ADGRB3: variants seen among roughly 807,000 people sequenced by gnomAD.
The protein encoded by ADGRB3 is adhesion G protein-coupled receptor B3, also known as brain-specific angiogenesis inhibitor 3.
A neutral mutation model predicts 193.4 loss-of-function variants in ADGRB3; 37 were observed. The observed-to-expected ratio is 0.19, with a 90% CI of 0.15 to 0.25. The LOEUF (loss-of-function observed/expected upper bound fraction) is 0.25, where lower values mean the gene tolerates loss of function less well. ADGRB3 is among the 10% of genes least tolerant of loss of function. The pLI, the probability that ADGRB3 is intolerant of heterozygous loss-of-function variation, is 1.00. For synonymous variants in ADGRB3, 690 were observed against 644.2 expected (o/e 1.07, Z -1.08); for missense variants, 1,637 against 1,852.9 (o/e 0.88, Z 2.14).
At chr6:68,880,345 C>G (rs778544184) in intron 3 of ADGRB3, among the ~76,000 whole-genome samples, 1 of 152,204 alleles carries the variant, frequency 6.6e-6, no homozygotes, top group Non-Finnish European at 1.5e-5. Context: ...TAGCTTCCTT[C>G]CTTTCCTATA....
rs546083165 is a variant in ADGRB3 at position 68,850,132 on chromosome 6, G to GT, written c.758-80420dup. Among the ~76,000 whole-genome samples, 356 of 151,554 alleles carry GT rather than the reference G, an allele frequency of 2.3e-3. 3 individuals carry two copies. The highest frequency in any genetic ancestry group is 7.7e-3 in the African/African-American group (320 of 41,420). On this transcript the variant is annotated intron_variant, in intron 3 of 31. Coordinates refer to ENST00000370598, the MANE Select transcript of ADGRB3 (RefSeq NM_001704.3). Reference sequence around the variant, plus strand: ...TTGTTCTGTAACCTCAGGTCCCATAGTTTTTTTATTAATAGTTATGTATAT... The same window carrying GT: ...TTGTTCTGTAACCTCAGGTCCCATAGTTTTTTTTATTAATAGTTATGTATAT...
chr6:68,822,764 A>T (rs1218292613), intron 3 of ADGRB3, among the ~76,000 whole-genome samples: 1 of 151,986 alleles, frequency 6.6e-6, no homozygotes, highest in Non-Finnish European at 1.5e-5. Context: ...AGAAATCGTC[A>T]TTCAAAAATT....
At chr6:69,201,841 C>T (rs1005404365) in intron 17 of ADGRB3, among the ~76,000 whole-genome samples, 6 of 152,086 alleles carry the variant, frequency 3.9e-5, no homozygotes, top group Non-Finnish European at 7.4e-5. Context: ...CTTTCTAATC[C>T]GACCTATCAT....
intron 3 of ADGRB3, among the ~76,000 whole-genome samples, chr6:68,743,392 AT>A (rs1766020127): frequency 6.6e-6 from 1 of 150,950 alleles, no homozygotes; most frequent in South Asian, 2.1e-4. Context: ...TTAGTGGTAG[AT>A]TTGAAAATGT....
At position 69,040,350 on chromosome 6, in the gene ADGRB3, T is replaced by C. The variant is rs551680825; in HGVS notation, c.2108-7835T>C. ...CTTTCTTTCTTTCTTTCTTTCTTTCTTTCTTTCTTTCTTTCTTTCTTTCTT... is the reference window on the plus strand; with the variant it reads ...CTTTCTTTCTTTCTTTCTTTCTTTCCTTCTTTCTTTCTTTCTTTCTTTCTT... On this transcript the variant is annotated intron_variant, in intron 13 of 31. Coordinates refer to ENST00000370598, the MANE Select transcript of ADGRB3 (RefSeq NM_001704.3). Among the ~76,000 whole-genome samples the C allele has an allele frequency of 8.3e-3, 454 of 54,752 alleles. 5 individuals are homozygous for C. Among genetic ancestry groups the C allele is most frequent in the South Asian group, 0.064 (60 of 940 alleles). The allele number at this position is 54,752 out of a possible 152,430, so 35.9% of individuals were successfully genotyped here.
At chr6:68,862,224 C>A (rs923333735) in intron 3 of ADGRB3, among the ~76,000 whole-genome samples, 2 of 151,088 alleles carry the variant, frequency 1.3e-5, no homozygotes, top group Non-Finnish European at 2.9e-5. Flanking sequence ...CAAACCTCCT[C>A]TTTTCCAAAA....
intron 29 of ADGRB3, among the ~76,000 whole-genome samples, chr6:69,364,108 G>A (rs925211025): frequency 1.3e-5 from 2 of 151,896 alleles, no homozygotes; most frequent in Non-Finnish European, 2.9e-5. Flanking sequence ...TGGGCAGCTG[G>A]CACAGCAGAG....
chr6:69,212,191 T>C lies in ADGRB3; in HGVS notation c.2481-21099T>C, dbSNP rs370534117. Among the ~76,000 whole-genome samples the C allele has an allele frequency of 3.9e-5, 6 of 152,064 alleles. No individual in the cohort carries two copies. The East Asian group carries it at 1.2e-3, about 29-fold the overall frequency. ...TCGAAAAAACATCAAAACTCATTTT[T>C]GTTGCTTATTTGCCTGTGAAACGTG... is the stretch of plus-strand genomic sequence containing the variant. On this transcript the variant is annotated intron_variant, in intron 17 of 31. Coordinates refer to ENST00000370598, the MANE Select transcript of ADGRB3 (RefSeq NM_001704.3).
At chr6:69,071,380 A>G (rs1041607050) in intron 16 of ADGRB3, among the ~76,000 whole-genome samples, 6 of 152,188 alleles carry the variant, frequency 3.9e-5, no homozygotes, top group African/African-American at 1.2e-4. Flanking sequence ...TATCCATTGG[A>G]ATGCTTTGGC....
chr6:68,783,898 T>A (rs1362450308), intron 3 of ADGRB3, among the ~76,000 whole-genome samples: 2 of 152,048 alleles, frequency 1.3e-5, no homozygotes, highest in Non-Finnish European at 2.9e-5. Context: ...GTTTAAATGT[T>A]ACCTTCGTGT....
intron 5 of ADGRB3, among the ~76,000 whole-genome samples, chr6:68,938,513 C>G (rs1767545308): frequency 6.7e-6 from 1 of 148,798 alleles, no homozygotes. Flanking sequence ...AAATATATTA[C>G]TGCATATAGT....
At chr6:69,323,385 C>A (rs1449476991) in intron 20 of ADGRB3, among the ~76,000 whole-genome samples, 2 of 151,796 alleles carry the variant, frequency 1.3e-5, no homozygotes, top group Admixed American at 6.6e-5. Flanking sequence ...GATATTTAAA[C>A]CGTAAATTGG....
At chr6:68,710,626 G>T (rs1345395213) in intron 3 of ADGRB3, among the ~76,000 whole-genome samples, 4 of 152,126 alleles carry the variant, frequency 2.6e-5, no homozygotes, top group Non-Finnish European at 5.9e-5. Flanking sequence ...ACTGGAATCA[G>T]TACCAATGCA....
At chr6:69,346,523 C>CT (rs1769092222) in intron 26 of ADGRB3, among the ~76,000 whole-genome samples, 1 of 152,132 alleles carries the variant, frequency 6.6e-6, no homozygotes, top group Non-Finnish European at 1.5e-5. Flanking sequence ...ATAAACAACT[C>CT]TATCAAAAAG....
At chr6:69,122,099 C>T (rs896289558) in intron 17 of ADGRB3, among the ~76,000 whole-genome samples, 1 of 128,904 alleles carries the variant, frequency 7.8e-6, no homozygotes, top group Non-Finnish European at 1.7e-5. Flanking sequence ...CCAAGGCAGG[C>T]GGCTGGAAGG....
intron 8 of ADGRB3, among the ~76,000 whole-genome samples, chr6:68,957,322 G>T (rs911070461): frequency 1.3e-5 from 2 of 152,076 alleles, no homozygotes; most frequent in Admixed American, 6.5e-5. Flanking sequence ...ATAATGAAAG[G>T]TCAGAAACTG....
chr6:69,026,789 T>C (rs1398409778), intron 13 of ADGRB3, among the ~76,000 whole-genome samples: 2 of 152,164 alleles, frequency 1.3e-5, no homozygotes, highest in Non-Finnish European at 2.9e-5. Context: ...CAAGGGTAAA[T>C]ACTTGTGTGC....
In ADGRB3 at chr6:68,850,038, C is replaced by T. The variant is rs1003805920; in HGVS notation, c.758-80521C>T. Among the ~76,000 whole-genome samples, 5 of 148,146 alleles carry T rather than the reference C, an allele frequency of 3.4e-5. 1 individual carries two copies. In the East Asian group the frequency reaches 5.8e-4, roughly 17 times the overall value. ...AATATGTGTAATAGTGGTATTACCA[C>T]TTTTACATCTCTTCATTTTAATAAG... On this transcript the variant is annotated intron_variant, in intron 3 of 31. Transcript: ENST00000370598.
chr6:68,766,820 A>T (rs1562020833), intron 3 of ADGRB3, among the ~76,000 whole-genome samples: 1 of 152,012 alleles, frequency 6.6e-6, no homozygotes, highest in Non-Finnish European at 1.5e-5. Context: ...TATGCTGCAA[A>T]TATATAGTAT....
Sources: gnomAD v4.1 joint callset for allele counts (sites outside exome capture counted in the v4.1 genomes callset) on GRCh38, gnomAD v4.1.1 for gene constraint, MANE v1.5 for transcripts, NCBI Gene and HGNC (gene_info 2026-07-23, HGNC 2026-07-21) for gene names.